The following ZNF280C variants were observed in gnomAD, a reference collection of about 807,000 sequenced individuals.
ZNF280C encodes zinc finger protein 280C, also known as suppressor of hairy wing homolog 3.
Under a neutral mutation model 53.6 loss-of-function variants are expected in ZNF280C, and 14 were observed. The ratio of observed to expected loss-of-function variants is 0.26; its 90% CI spans 0.17 to 0.41. ZNF280C has a LOEUF of 0.41. Ranked by LOEUF, ZNF280C falls within the 10% of genes least tolerant of loss-of-function variation. The pLI is 1.00. For synonymous variants in ZNF280C, 203 were observed against 181.1 expected (o/e 1.12, Z -0.97); for missense variants, 416 against 547.1 (o/e 0.76, Z 2.39).
intron 13 of ZNF280C, among the ~76,000 whole-genome samples, chrX:130,218,664 A>G (rs1276206915): frequency 8.9e-6 from 1 of 111,926 alleles, no homozygotes; most frequent in Non-Finnish European, 1.9e-5. Flanking sequence ...GTAGAAGTCA[A>G]AAGACCTGAG....
chrX:130,257,442 TA>T (rs1442135540), intron 2 of ZNF280C, among the ~76,000 whole-genome samples: 1 of 111,399 alleles, frequency 9.0e-6, no homozygotes, highest in African/African-American at 3.3e-5. Context: ...GAGAGATGCT[TA>T]AAAGGAAGAA....
rs367937041 is a variant in ZNF280C at position 130,215,308 on chromosome X, T to C, written c.1864A>G (p.Ile622Val). Residue 622 changes from isoleucine (I) to valine (V), a missense_variant, in exon 15 of 19, where the codon ATT becomes GTT. Physicochemically the swap from Ile to Val is conservative, Grantham distance 29 (BLOSUM62 3). Around this residue, in one of 3 missense-constraint regions of ZNF280C, gnomAD observed 151 missense variants for 176.9 expected, o/e 0.85. Transcript: ENST00000370978. Reference protein sequence around the residue: ...IRCRRGIHKCIECHSKIKDFA... With the variant: ...IRCRRGIHKCVECHSKIKDFA... ...TCTTTTATTTTGGAATGACATTCAA[T>C]GCACTTGTGAATTCCCCGACGACAC... The C allele has an allele frequency of 6.1e-5, 73 of 1,198,597 alleles. No individual in the cohort carries two copies. Among genetic ancestry groups the C allele is most frequent in the Non-Finnish European group, 8.1e-5 (72 of 890,078 alleles).
intron 12 of ZNF280C, among the ~76,000 whole-genome samples, chrX:130,222,877 C>A (rs1160079610): frequency 9.0e-6 from 1 of 111,256 alleles, no homozygotes; most frequent in Non-Finnish European, 1.9e-5. Flanking sequence ...GAACTCCTGA[C>A]CTCCAGTGAT....
intron 2 of ZNF280C, among the ~76,000 whole-genome samples, chrX:130,251,302 A>AAAAAAAAAAAAAAAAAAAC (rs2032506526): frequency 9.7e-6 from 1 of 102,682 alleles, no homozygotes; most frequent in East Asian, 2.9e-4. Flanking sequence ...AAAAAAAAAA[A>AAAAAAAAAAAAAAAAAAAC]AAAAAGACCA....
intron 13 of ZNF280C, among the ~76,000 whole-genome samples, chrX:130,217,321 T>C (rs1569432737): frequency 1.8e-5 from 2 of 112,056 alleles, no homozygotes; most frequent in African/African-American, 6.5e-5. Flanking sequence ...CAAAACATTA[T>C]GCTAAGCGAA....
rs769074251 is a variant in ZNF280C at position 130,236,338 on chromosome X, C to T, written c.665-18G>A. The T allele has an allele frequency of 8.6e-7, 1 of 1,158,943 alleles. No individual in the cohort carries two copies. The highest frequency in any genetic ancestry group is 1.8e-5 in the African/African-American group (1 of 55,904). On this transcript the variant is annotated intron_variant, in intron 7 of 18. Coordinates refer to ENST00000370978, the MANE Select transcript of ZNF280C (RefSeq NM_017666.5). ...ATTTGTACCTACAATAAATTAAGAA[C>T]TTTTAAGACTCAAATCCATCTTTTT...
chrX:130,220,234 C>A, intron 13 of ZNF280C, 115 bp downstream of exon 13: 1 of 608,816 alleles, frequency 1.6e-6, no homozygotes, highest in East Asian at 4.1e-5. Context: ...AATATAGTTG[C>A]CCTAGTGAGC....
At chrX:130,247,309 T>C (rs2032460906) in intron 2 of ZNF280C, among the ~76,000 whole-genome samples, 1 of 111,105 alleles carries the variant, frequency 9.0e-6, no homozygotes, top group African/African-American at 3.3e-5. Context: ...GGTTTCACCA[T>C]GTTGACCAGG....
At chrX:130,226,638 G>T in intron 12 of ZNF280C, 121 bp downstream of exon 12, 1 of 740,273 alleles carries the variant, frequency 1.4e-6, no homozygotes, top group Non-Finnish European at 1.8e-6. Flanking sequence ...TTTCTGTCCA[G>T]AACAAATCTA....
chrX:130,240,391 C>T (rs2032377436), intron 5 of ZNF280C, among the ~76,000 whole-genome samples: 1 of 111,441 alleles, frequency 9.0e-6, no homozygotes, highest in Non-Finnish European at 1.9e-5. Flanking sequence ...TAACCTATCC[C>T]TCCTTACACA....
Position 130,237,283 on chromosome X carries a change from A to T in ZNF280C, c.494-644T>A, listed in dbSNP as rs186862435. On this transcript the variant is annotated intron_variant, in intron 6 of 18. Transcript: ENST00000370978. ...CTCACTCATTCATATGAAAAGGTTT[A>T]GAGTTAGTATAATGACTTTCAAAGT... Among the ~76,000 whole-genome samples the T allele has an allele frequency of 2.1e-4, 23 of 111,912 alleles. No homozygotes were observed. In the East Asian group the frequency reaches 5.6e-3, roughly 27 times the overall value.
At position 130,246,896 on chromosome X, in the gene ZNF280C, A is replaced by G. The variant is rs761373169; in HGVS notation, c.141T>C (p.Phe47=). The part of the protein sequence containing the change: ...TQDEDDDELI[F]VGEISSSKPA... ...GTTTTGAACTTGATATCTCTCCAAC[A>G]AAGATCAGTTCATCGTCATCCTCAT... The change falls in exon 3 of 19, where the codon TTT becomes TTC. Residue 47 remains phenylalanine, a synonymous_variant. Transcript: ENST00000370978. 4.1e-6 allele frequency: 5 copies of G among 1,211,129 alleles called. No homozygotes were observed. The highest frequency in any genetic ancestry group is 1.8e-5 in the South Asian group (1 of 56,716).
chrX:130,239,335 C>T (rs1206694954), intron 6 of ZNF280C, among the ~76,000 whole-genome samples: 1 of 110,922 alleles, frequency 9.0e-6, no homozygotes, highest in Non-Finnish European at 1.9e-5. Flanking sequence ...ATGGCTGGTT[C>T]CAAGTGAAAA....
At chrX:130,248,398 G>C (rs182416045) in intron 2 of ZNF280C, among the ~76,000 whole-genome samples, 2 of 110,223 alleles carry the variant, frequency 1.8e-5, no homozygotes, top group Admixed American at 1.9e-4. Context: ...AAGACCCTTT[G>C]ATCACCACTG....
chrX:130,227,003 T>C (rs755354700), intron 11 of ZNF280C, 98 bp from the exon 12 acceptor site: 73 of 759,834 alleles, frequency 9.6e-5, no homozygotes, highest in South Asian at 7.8e-4. Flanking sequence ...TGGAAGAACA[T>C]GTACTACTAG....
chrX:130,256,926 C>T (rs1037848384), intron 2 of ZNF280C, among the ~76,000 whole-genome samples: 17 of 107,319 alleles, frequency 1.6e-4, no homozygotes, highest in African/African-American at 5.8e-4. Flanking sequence ...GAGGGCCAGG[C>T]GCGGTGGCTC....
intron 16 of ZNF280C, among the ~76,000 whole-genome samples, chrX:130,206,157 A>C (rs2031971159): frequency 9.0e-6 from 1 of 111,093 alleles, no homozygotes; most frequent in Non-Finnish European, 1.9e-5. Flanking sequence ...CAGTAAACAA[A>C]AAAGGTACAG....
intron 5 of ZNF280C, among the ~76,000 whole-genome samples, chrX:130,242,691 C>G (rs968510173): frequency 1.8e-5 from 2 of 111,719 alleles, no homozygotes; most frequent in African/African-American, 6.5e-5. Flanking sequence ...AGGCATGCGC[C>G]AACACGCCTG....
intron 9 of ZNF280C, 100 bp downstream of exon 9, chrX:130,230,410 A>C: frequency 4.0e-6 from 2 of 504,313 alleles, no homozygotes; most frequent in South Asian, 8.9e-5. Context: ...AGAAAGTATT[A>C]GAATTAATTA....
Sources: gnomAD v4.1 joint callset for allele counts (sites outside exome capture counted in the v4.1 genomes callset) on GRCh38, gnomAD v4.1.1 for gene constraint, gnomAD v4.1.1 regional missense constraint, MANE v1.5 for transcripts, NCBI Gene and HGNC (gene_info 2026-07-23, HGNC 2026-07-21) for gene names.